The following EPS15 variants were observed in gnomAD, a reference collection of about 807,000 sequenced individuals.
The protein encoded by EPS15 is epidermal growth factor receptor pathway substrate 15, also known as epidermal growth factor receptor substrate 15.
EPS15 carries 72 observed loss-of-function variants against 113.8 expected under a neutral mutation model. That is an observed-to-expected ratio of 0.63 (90% CI 0.52 to 0.77). The LOEUF is 0.77. Among genes scored for constraint, EPS15 ranks in the 30% least tolerant of loss-of-function variants. The probability of loss-of-function intolerance (pLI) is 0.00; values close to 1 mark genes in which losing one functional copy is unlikely to be tolerated. For synonymous variants in EPS15, 344 were observed against 363.4 expected, an observed-to-expected ratio of 0.95 and a Z score of 0.61; for missense variants, 1,048 against 1,045.8, an observed-to-expected ratio of 1.00 and a Z score of -0.03.
chr1:51,486,323 G>T (rs1644121317), intron 1 of EPS15, among the ~76,000 whole-genome samples: 1 of 151,034 alleles, frequency 6.6e-6, no homozygotes, highest in African/African-American at 2.4e-5. Flanking sequence ...TACTAGGAAG[G>T]CTGAGGCAGC....
At chr1:51,374,723 T>C (rs1455280819) in intron 21 of EPS15, among the ~76,000 whole-genome samples, 1 of 152,184 alleles carries the variant, frequency 6.6e-6, no homozygotes, top group African/African-American at 2.4e-5. Context: ...AAGATCTCAA[T>C]GTGAGGCAAA....
chr1:51,393,285 C>T (rs1647574925), intron 21 of EPS15, among the ~76,000 whole-genome samples: 1 of 152,194 alleles, frequency 6.6e-6, no homozygotes, highest in Non-Finnish European at 1.5e-5. Flanking sequence ...GGCACAATCT[C>T]AGCTCATTGC....
chr1:51,469,417 A>G (rs1036482369), intron 4 of EPS15, among the ~76,000 whole-genome samples: 3 of 152,172 alleles, frequency 2.0e-5, no homozygotes, highest in Admixed American at 6.5e-5. Context: ...ATCTCTCCCA[A>G]AAGTCCTTGG....
intron 4 of EPS15, among the ~76,000 whole-genome samples, chr1:51,470,646 C>CAAAA (rs10616476): frequency 2.7e-5 from 2 of 72,996 alleles, no homozygotes; most frequent in East Asian, 4.1e-4. Context: ...GGCTCTGTCT[C>CAAAA]AAAAAAAAAA....
intron 12 of EPS15, among the ~76,000 whole-genome samples, chr1:51,426,854 C>T (rs1275781): frequency 0.83 from 114,973 of 137,950 alleles, 48,178 homozygotes; most frequent in East Asian, 0.97. Context: ...TATATATATA[C>T]ACACACACAT....
intron 1 of EPS15, among the ~76,000 whole-genome samples, chr1:51,486,084 C>T (rs1644116019): frequency 6.6e-6 from 1 of 152,024 alleles, no homozygotes; most frequent in Admixed American, 6.5e-5. Context: ...AGGTGTGAGC[C>T]ACCATGCGCA....
At chr1:51,402,665 C>A (rs1043113369) in intron 17 of EPS15, 140 bp from the exon 18 acceptor site, 6 of 489,026 alleles carry the variant, frequency 1.2e-5, no homozygotes, top group African/African-American at 1.0e-4. Context: ...TGGCTCACAC[C>A]TGTAATCCCA....
At position 51,447,436 on chromosome 1, in the gene EPS15, A is replaced by G. The variant is rs1258041228; in HGVS notation, c.652-331T>C. On this transcript the variant is annotated intron_variant, in intron 9 of 24. Coordinates refer to ENST00000371733, the MANE Select transcript of EPS15 (RefSeq NM_001981.3). ...AAGTCTGTATAAACAAAATACTCAG[A>G]TAATTCTCAATCTTTATTTTTTATA... is the stretch of plus-strand genomic sequence containing the variant. Among the ~76,000 whole-genome samples the G allele has an allele frequency of 2.0e-5, 3 of 152,158 alleles. No homozygotes were observed. The East Asian group carries it at 5.8e-4, about 29-fold the overall frequency.
At chr1:51,369,019 C>T (rs1339814108) in intron 21 of EPS15, among the ~76,000 whole-genome samples, 1 of 145,618 alleles carries the variant, frequency 6.9e-6, no homozygotes, top group African/African-American at 2.5e-5. Flanking sequence ...AAATTTGCTT[C>T]ATGCCTTTTC....
chr1:51,424,703 A>G (rs1651053609), intron 12 of EPS15, among the ~76,000 whole-genome samples: 1 of 152,144 alleles, frequency 6.6e-6, no homozygotes, highest in African/African-American at 2.4e-5. Flanking sequence ...GAGGAGTTCG[A>G]GACCAGCCTG....
intron 1 of EPS15, among the ~76,000 whole-genome samples, chr1:51,512,424 A>C (rs1235965108): frequency 6.6e-6 from 1 of 152,202 alleles, no homozygotes; most frequent in Non-Finnish European, 1.5e-5. Flanking sequence ...AGAAGCTCTA[A>C]GAGAAAAGAC....
At chr1:51,419,693 G>C (rs1202312262) in intron 13 of EPS15, among the ~76,000 whole-genome samples, 1 of 152,042 alleles carries the variant, frequency 6.6e-6, no homozygotes, top group African/African-American at 2.4e-5. Flanking sequence ...CCTTTTGCCA[G>C]GGAAATTAGA....
intron 1 of EPS15, among the ~76,000 whole-genome samples, chr1:51,496,458 A>G (rs1298146849): frequency 6.6e-6 from 1 of 152,222 alleles, no homozygotes; most frequent in African/African-American, 2.4e-5. Context: ...ATTTAACAAA[A>G]GCATTACCAA....
intron 1 of EPS15, among the ~76,000 whole-genome samples, chr1:51,496,157 TTA>T (rs1644319588): frequency 6.6e-6 from 1 of 152,146 alleles, no homozygotes; most frequent in Non-Finnish European, 1.5e-5. Context: ...GCACATACTA[TTA>T]TACCCATTTA....
At chr1:51,418,262 A>G (rs979370495) in intron 13 of EPS15, among the ~76,000 whole-genome samples, 7 of 152,122 alleles carry the variant, frequency 4.6e-5, no homozygotes, top group African/African-American at 1.7e-4. Flanking sequence ...AAGGAAAGAA[A>G]GGACACACAT....
chr1:51,372,248 G>T (rs529753689), intron 21 of EPS15: 1 of 480,612 alleles, frequency 2.1e-6, no homozygotes, highest in Non-Finnish European at 4.3e-6. Flanking sequence ...AGGCCTAGTG[G>T]GCGGTGTGTG....
At chr1:51,509,133 A>C (rs919778329) in intron 1 of EPS15, among the ~76,000 whole-genome samples, 2 of 152,180 alleles carry the variant, frequency 1.3e-5, no homozygotes, top group Non-Finnish European at 2.9e-5. Flanking sequence ...TCATGGTCTT[A>C]TTCTGTATGT....
chr1:51,472,991 G>T, intron 2 of EPS15, 43 bp from the exon 3 acceptor site: 1 of 1,472,204 alleles, frequency 6.8e-7, no homozygotes. Context: ...AAATACAAAA[G>T]GCAAAATTAT....
At chr1:51,445,090 C>G (rs753678897) in intron 10 of EPS15, 45 bp from the exon 11 acceptor site, 25 of 1,540,040 alleles carry the variant, frequency 1.6e-5, no homozygotes, top group Non-Finnish European at 2.0e-5. Context: ...GCCACAACTG[C>G]AAAAAGTCCA....
Sources: allele counts gnomAD v4.1 joint callset (sites outside exome capture counted in the v4.1 genomes callset), GRCh38; gene constraint gnomAD v4.1.1; transcripts MANE v1.5; gene names NCBI Gene and HGNC (gene_info 2026-07-23, HGNC 2026-07-21).